CSMD1: variants seen among roughly 807,000 people sequenced by gnomAD.
CSMD1 encodes the protein CUB and Sushi multiple domains 1.
CSMD1 carries 213 observed loss-of-function variants against 417.5 expected under a neutral mutation model. That is an observed-to-expected ratio of 0.51 (90% CI 0.46 to 0.57). CSMD1 has a LOEUF of 0.57. Ranked by LOEUF, CSMD1 falls within the 20% of genes least tolerant of loss-of-function variation. The probability of loss-of-function intolerance (pLI) is 0.00; values close to 1 mark genes in which losing one functional copy is unlikely to be tolerated. For synonymous variants in CSMD1, 2,862 were observed against 1,736.8 expected (o/e 1.65, Z -16.11); for missense variants, 6,923 against 4,529.7 (o/e 1.53, Z -15.17).
chr8:4,380,090 A>G (rs1224835724), intron 3 of CSMD1, among the ~76,000 whole-genome samples: 2 of 152,244 alleles, frequency 1.3e-5, no homozygotes, highest in East Asian at 3.8e-4. Flanking sequence ...ATAAAAAGTA[A>G]ATGGGAGAAA....
At chr8:3,076,124 G>C (rs1170920745) in intron 49 of CSMD1, among the ~76,000 whole-genome samples, 10 of 152,124 alleles carry the variant, frequency 6.6e-5, no homozygotes, top group Admixed American at 6.5e-4. Context: ...CTTTTGCCAG[G>C]GCTGCCATAA....
chr8:4,486,930 G>C (rs1025483616), intron 2 of CSMD1, among the ~76,000 whole-genome samples: 1 of 152,142 alleles, frequency 6.6e-6, no homozygotes, highest in Non-Finnish European at 1.5e-5. Flanking sequence ...AGCTTGTCAA[G>C]CAGGCAGGGT....
chr8:3,799,393 C>A (rs1800338765), intron 5 of CSMD1, among the ~76,000 whole-genome samples: 1 of 95,456 alleles, frequency 1.0e-5, no homozygotes, highest in African/African-American at 4.1e-5. Flanking sequence ...CTATCCCTCC[C>A]CCCTCCCCCC....
chr8:3,305,921 T>C (rs1404946500), intron 25 of CSMD1, among the ~76,000 whole-genome samples: 1 of 152,092 alleles, frequency 6.6e-6, no homozygotes, highest in East Asian at 1.9e-4. Context: ...ACCTGGTGAT[T>C]TGCCTGCCTT....
At chr8:4,166,615 G>C (rs1220773126) in intron 3 of CSMD1, among the ~76,000 whole-genome samples, 1 of 152,152 alleles carries the variant, frequency 6.6e-6, no homozygotes, top group Non-Finnish European at 1.5e-5. Flanking sequence ...TGAACTGTAG[G>C]ATGGGAGCAG....
intron 47 of CSMD1, among the ~76,000 whole-genome samples, chr8:3,095,597 G>C (rs979373503): frequency 6.7e-6 from 1 of 150,056 alleles, no homozygotes; most frequent in Non-Finnish European, 1.5e-5. Flanking sequence ...CAAGCAATTT[G>C]ACTCATCAAC....
intron 1 of CSMD1, among the ~76,000 whole-genome samples, chr8:4,713,899 T>C (rs575871981): frequency 6.6e-6 from 1 of 152,228 alleles, no homozygotes; most frequent in South Asian, 2.1e-4. Flanking sequence ...AATTTGGGCT[T>C]GTGGGGAGGC....
At chr8:3,762,059 A>T (rs1434963098) in intron 5 of CSMD1, among the ~76,000 whole-genome samples, 1 of 151,984 alleles carries the variant, frequency 6.6e-6, no homozygotes, top group Non-Finnish European at 1.5e-5. Context: ...CAATTTTTTA[A>T]ATGAAAAAAT....
intron 1 of CSMD1, among the ~76,000 whole-genome samples, chr8:4,923,947 T>A (rs975394816): frequency 6.6e-6 from 1 of 152,352 alleles, no homozygotes; most frequent in Non-Finnish European, 1.5e-5. Flanking sequence ...CTTAGCAAGC[T>A]ATTCTCAACC....
intron 3 of CSMD1, among the ~76,000 whole-genome samples, chr8:4,073,187 A>C (rs529835695): frequency 1.3e-3 from 195 of 152,192 alleles, no homozygotes; most frequent in Non-Finnish European, 2.4e-3. Flanking sequence ...GAAGCACTTC[A>C]AAGAACGCTC....
At chr8:4,544,065 G>T (rs372350647) in intron 2 of CSMD1, among the ~76,000 whole-genome samples, 5 of 152,106 alleles carry the variant, frequency 3.3e-5, no homozygotes, top group Admixed American at 2.0e-4. Context: ...ACTTTTCCCA[G>T]TCTGTGGCTT....
At chr8:3,414,125 C>A (rs1216590077) in intron 12 of CSMD1, among the ~76,000 whole-genome samples, 1 of 133,508 alleles carries the variant, frequency 7.5e-6, no homozygotes, top group Non-Finnish European at 1.5e-5. Flanking sequence ...TGTGACAGAG[C>A]GAGACTCCGT....
intron 1 of CSMD1, among the ~76,000 whole-genome samples, chr8:4,954,900 A>G (rs1261656932): frequency 6.6e-6 from 1 of 152,216 alleles, no homozygotes. Flanking sequence ...CTTTGTTTCA[A>G]AATACCTGAT....
intron 5 of CSMD1, among the ~76,000 whole-genome samples, chr8:3,762,019 T>C (rs1184114692): frequency 9.2e-5 from 14 of 152,102 alleles, no homozygotes. Context: ...AGCCACGGCC[T>C]TTAGCTTTTT....
intron 23 of CSMD1, among the ~76,000 whole-genome samples, chr8:3,327,548 C>G (rs56401400): frequency 0.14 from 20,580 of 152,122 alleles, 1,808 homozygotes; most frequent in African/African-American, 0.25. Context: ...TAGAAATCAA[C>G]TTTTCTTTCT....
intron 12 of CSMD1, among the ~76,000 whole-genome samples, chr8:3,461,176 C>T (rs78338070): frequency 0.033 from 5,008 of 152,248 alleles, 160 homozygotes; most frequent in East Asian, 0.15. Flanking sequence ...CTGCACACCT[C>T]TCAGGGAAGT....
At chr8:4,445,769 C>T (rs1369589982) in intron 2 of CSMD1, among the ~76,000 whole-genome samples, 1 of 152,138 alleles carries the variant, frequency 6.6e-6, no homozygotes, top group Non-Finnish European at 1.5e-5. Context: ...AGAATCTACA[C>T]TAAGAAATCA....
chr8:3,123,342 G>T (rs1184957767), intron 41 of CSMD1, among the ~76,000 whole-genome samples: 1 of 152,064 alleles, frequency 6.6e-6, no homozygotes, highest in East Asian at 1.9e-4. Context: ...ACTGCCAAAT[G>T]GCCTAGAAAA....
chr8:3,377,092 T>C (rs1012776192), intron 18 of CSMD1, among the ~76,000 whole-genome samples: 2 of 152,158 alleles, frequency 1.3e-5, no homozygotes, highest in African/African-American at 2.4e-5. Context: ...CTCTGCAGCC[T>C]TGACCACCTG....
Sources: allele counts gnomAD v4.1 joint callset (sites outside exome capture counted in the v4.1 genomes callset), GRCh38; gene constraint gnomAD v4.1.1; transcripts MANE v1.5; gene names NCBI Gene and HGNC (gene_info 2026-07-23, HGNC 2026-07-21).